Variants in PUM2 observed in about 807,000 individuals in gnomAD.
PUM2 encodes pumilio RNA binding family member 2, also known as pumilio homolog 2.
A neutral mutation model predicts 124.5 loss-of-function variants in PUM2; 57 were observed. The observed-to-expected ratio is 0.46, with a 90% confidence interval of 0.37 to 0.57. The LOEUF (loss-of-function observed/expected upper bound fraction) is 0.57. PUM2 is among the 20% of genes least tolerant of loss of function. PUM2 has a pLI of 0.00. For synonymous variants in PUM2, 460 were observed against 446.1 expected (o/e 1.03, Z -0.39); for missense variants, 1,065 against 1,290.6 (o/e 0.83, Z 2.68).
At chr2:20,269,072 T>C (rs1172588802) in intron 13 of PUM2, among the ~76,000 whole-genome samples, 2 of 152,144 alleles carry the variant, frequency 1.3e-5, no homozygotes, top group Non-Finnish European at 2.9e-5. Context: ...TCTAAAAAAT[T>C]CATGTAAAGT....
chr2:20,304,989 A>G (rs1332299334), intron 7 of PUM2, among the ~76,000 whole-genome samples: 2 of 152,206 alleles, frequency 1.3e-5, no homozygotes, highest in Non-Finnish European at 2.9e-5. Context: ...AGAGGTGACC[A>G]GGCAAATTTG....
intron 5 of PUM2, among the ~76,000 whole-genome samples, chr2:20,310,790 C>A (rs1374645091): frequency 6.6e-6 from 1 of 151,800 alleles, no homozygotes; most frequent in Non-Finnish European, 1.5e-5. Flanking sequence ...CAAAGCACCT[C>A]ATTATTGAAA....
chr2:20,286,115 G>C (rs1672663860), intron 10 of PUM2, among the ~76,000 whole-genome samples: 1 of 152,168 alleles, frequency 6.6e-6, no homozygotes, highest in Non-Finnish European at 1.5e-5. Context: ...CTTCAGGCAG[G>C]AAACCATTAG....
chr2:20,265,440 C>T (rs569540064), intron 13 of PUM2, among the ~76,000 whole-genome samples: 3 of 152,250 alleles, frequency 2.0e-5, no homozygotes, highest in Non-Finnish European at 2.9e-5. Context: ...TATTTGTTTA[C>T]GTATTTCTAA....
chr2:20,300,787 G>GGA (rs1553384430), intron 7 of PUM2, among the ~76,000 whole-genome samples: 1 of 61,458 alleles, frequency 1.6e-5, no homozygotes, highest in African/African-American at 5.5e-5. Context: ...GATTGAAAGA[G>GGA]AAAAAAAAAA....
intron 1 of PUM2, among the ~76,000 whole-genome samples, chr2:20,332,282 AGTGTGT>A (rs55986830): frequency 0.034 from 5,015 of 145,416 alleles, 197 homozygotes; most frequent in East Asian, 0.17. Flanking sequence ...ATACTACTAG[AGTGTGT>A]GTGTGTGTGT....
intron 13 of PUM2, 140 bp from the exon 14 acceptor site, chr2:20,263,600 T>G (rs1666821598): frequency 9.6e-7 from 1 of 1,038,092 alleles, no homozygotes. Flanking sequence ...AAATTAAAAT[T>G]GGGAGGGGAA....
chr2:20,334,760 A>G (rs1007135090), intron 1 of PUM2, among the ~76,000 whole-genome samples: 9 of 152,224 alleles, frequency 5.9e-5, no homozygotes, highest in African/African-American at 1.9e-4. Flanking sequence ...AAAATGACTA[A>G]TGATTGCAAC....
chr2:20,336,682 TG>T (rs1686112676), intron 1 of PUM2, among the ~76,000 whole-genome samples: 3 of 5,214 alleles, frequency 5.8e-4, no homozygotes, highest in South Asian at 4.1e-3. Context: ...CTGGCTAATT[TG>T]TGTGTGTGTG....
chr2:20,330,465 T>TG (rs1300956127), intron 1 of PUM2, among the ~76,000 whole-genome samples: 2 of 152,254 alleles, frequency 1.3e-5, no homozygotes, highest in East Asian at 3.9e-4. Context: ...AAAACTTAGT[T>TG]GATCACGAAG....
chr2:20,331,041 T>C (rs1345140434), intron 1 of PUM2, among the ~76,000 whole-genome samples: 1 of 152,066 alleles, frequency 6.6e-6, no homozygotes, highest in Non-Finnish European at 1.5e-5. Flanking sequence ...ATTTATATCC[T>C]ATAGCCTTAC....
intron 1 of PUM2, among the ~76,000 whole-genome samples, chr2:20,333,579 G>A (rs1314226471): frequency 6.6e-6 from 1 of 152,068 alleles, no homozygotes. Flanking sequence ...GTGTAAAGAA[G>A]CAAGAAAATG....
chr2:20,323,641 G>A lies in PUM2; in HGVS notation c.51+3669C>T, dbSNP rs143063609. Among the ~76,000 whole-genome samples, 112 of 151,890 alleles carry A rather than the reference G, an allele frequency of 7.4e-4. 2 individuals carry two copies. The East Asian group carries it at 0.016, about 22-fold the overall frequency. On this transcript the variant is annotated intron_variant, in intron 2 of 20. Transcript: ENST00000361078. ...TGTCCATAGCTGTTTGACTTCTCTT[G>A]AGTCAGTTTGACTATCCTAGCGGGA...
At chr2:20,278,009 C>T (rs1670636038) in intron 13 of PUM2, among the ~76,000 whole-genome samples, 1 of 152,072 alleles carries the variant, frequency 6.6e-6, no homozygotes, top group Admixed American at 6.6e-5. Flanking sequence ...GTTCTCAATG[C>T]TCCAACTTCA....
intron 1 of PUM2, among the ~76,000 whole-genome samples, chr2:20,333,736 G>A (rs542793489): frequency 2.0e-5 from 3 of 152,208 alleles, no homozygotes; most frequent in East Asian, 3.9e-4. Context: ...AACATAGCGA[G>A]ACCCTGAGAT....
chr2:20,350,441 G>T, intron 1 of PUM2, 156 bp downstream of exon 1: 1 of 967,008 alleles, frequency 1.0e-6, no homozygotes, highest in Non-Finnish European at 1.2e-6. Context: ...TGCATTGTGC[G>T]AGCGGGCCCC....
At position 20,349,518 on chromosome 2, in the gene PUM2, GT is replaced by G. The variant is rs761971122; in HGVS notation, c.-19+1078del. Among the ~76,000 whole-genome samples the G allele has an allele frequency of 2.2e-3, 310 of 141,984 alleles. 4 individuals are homozygous for G. The highest frequency in any genetic ancestry group is 4.7e-3 in the African/African-American group (185 of 39,010). The allele number at this position is 141,984 out of a possible 152,430, so 93.1% of individuals were successfully genotyped here. ...AAACAAGTTGAAAATACTCATTTTT[GT>G]TTTTTTTTTTTTATTTACAGGATTC... is the stretch of plus-strand genomic sequence containing the variant. On this transcript the variant is annotated intron_variant, in intron 1 of 20. Coordinates refer to ENST00000361078, the MANE Select transcript of PUM2 (RefSeq NM_015317.5).
intron 1 of PUM2, among the ~76,000 whole-genome samples, chr2:20,340,204 T>C (rs148550436): frequency 1.3e-5 from 2 of 152,344 alleles, no homozygotes; most frequent in African/African-American, 2.4e-5. Flanking sequence ...AAGACTACTG[T>C]TGATATGAAT....
At chr2:20,345,587 T>G (rs1285434716) in intron 1 of PUM2, among the ~76,000 whole-genome samples, 1 of 151,078 alleles carries the variant, frequency 6.6e-6, no homozygotes, top group Admixed American at 6.6e-5. Context: ...AAAAAAAATG[T>G]GTGGGGCGAG....
Sources: allele counts gnomAD v4.1 joint callset (sites outside exome capture counted in the v4.1 genomes callset), GRCh38; gene constraint gnomAD v4.1.1; transcripts MANE v1.5; gene names NCBI Gene and HGNC (gene_info 2026-07-23, HGNC 2026-07-21).